The following FGR variants were observed in gnomAD, a reference collection of about 807,000 sequenced individuals.
FGR encodes FGR proto-oncogene, Src family tyrosine kinase.
A neutral mutation model predicts 63.2 loss-of-function variants in FGR; 26 were observed. The observed-to-expected ratio is 0.41, with a 90% CI of 0.30 to 0.57. The LOEUF (loss-of-function observed/expected upper bound fraction) is 0.57. Among genes scored for constraint, FGR ranks in the 20% least tolerant of loss-of-function variants. The pLI is 0.27. For synonymous variants in FGR, 286 were observed against 277.7 expected (o/e 1.03, Z -0.30); for missense variants, 511 against 690.8 (o/e 0.74, Z 2.92).
At chr1:27,618,826 T>G (rs1268108911) in intron 5 of FGR, among the ~76,000 whole-genome samples, 1 of 152,226 alleles carries the variant, frequency 6.6e-6, no homozygotes, top group Non-Finnish European at 1.5e-5. Flanking sequence ...AACATTCTGC[T>G]GTATCTTCTC....
intron 1 of FGR, among the ~76,000 whole-genome samples, chr1:27,632,726 G>A (rs1390459236): frequency 3.3e-5 from 5 of 152,034 alleles, no homozygotes; most frequent in Non-Finnish European, 7.4e-5. Flanking sequence ...GGATTTTCAG[G>A]AGATGGAAGC....
Position 27,623,154 on chromosome 1 carries a change from C to G in FGR, c.227-10G>C. The G allele has an allele frequency of 6.3e-7, 1 of 1,598,602 alleles. No homozygotes were observed. Among genetic ancestry groups the G allele is most frequent in the Non-Finnish European group, 8.6e-7 (1 of 1,165,978 alleles). The stretch of plus-strand genomic sequence containing the variant: ...AGGGTCACCCCAATCCCTGCAGAGT[C>G]AGGGCTACTCAGCAGGGTAGGGCAT... On this transcript the variant is annotated splice_polypyrimidine_tract_variant and intron_variant, in intron 3 of 12. Coordinates refer to ENST00000374005, the MANE Select transcript of FGR (RefSeq NM_005248.3).
Position 27,616,208 on chromosome 1 carries a change from ACCT to A in FGR, c.683-367_683-365del, listed in dbSNP as rs1262021169. Among the ~76,000 whole-genome samples the A allele has an allele frequency of 2.6e-5, 4 of 152,054 alleles. No homozygotes were observed. Among genetic ancestry groups the A allele is most frequent in the Non-Finnish European group, 5.9e-5 (4 of 67,992 alleles). ...ACATGAGGCCCACGGTCTTCCGTGG[ACCT>A]CATCCTTGGCATAACCAATCAAGGC... is the stretch of plus-strand genomic sequence containing the variant. On this transcript the variant is annotated intron_variant, in intron 7 of 12. Coordinates refer to ENST00000374005, the MANE Select transcript of FGR (RefSeq NM_005248.3). The surrounding 1 kb of genome is among the most constrained non-coding windows in gnomAD (Gnocchi z 4.3).
At chr1:27,632,254 A>C (rs1434853517) in intron 1 of FGR, among the ~76,000 whole-genome samples, 3 of 151,230 alleles carry the variant, frequency 2.0e-5, no homozygotes, top group African/African-American at 7.3e-5. Flanking sequence ...CTCCTGCCTC[A>C]GCCTCCTGAG....
chr1:27,633,235 G>A (rs569874006), intron 1 of FGR, among the ~76,000 whole-genome samples: 23 of 152,308 alleles, frequency 1.5e-4, no homozygotes, highest in African/African-American at 4.1e-4. Context: ...TCAGAGACGA[G>A]ATGTCCTGGA....
At chr1:27,618,168 A>G (rs1174453930) in intron 5 of FGR, among the ~76,000 whole-genome samples, 1 of 152,160 alleles carries the variant, frequency 6.6e-6, no homozygotes, top group Admixed American at 6.5e-5. Context: ...AGGCATTGGC[A>G]AGTGGTGTGT....
At chr1:27,623,645 T>C in intron 3 of FGR, 46 bp downstream of exon 3, 1 of 1,592,960 alleles carries the variant, frequency 6.3e-7, no homozygotes, top group Non-Finnish European at 8.6e-7. Context: ...TCCCTCAGTT[T>C]CTCCCAGGAT....
chr1:27,625,376 C>T (rs973983214), intron 1 of FGR, among the ~76,000 whole-genome samples: 1 of 152,176 alleles, frequency 6.6e-6, no homozygotes, highest in Non-Finnish European at 1.5e-5. Flanking sequence ...ACTCACCTGA[C>T]CCACCAGCAC....
At chr1:27,618,559 CA>C (rs2089859598) in intron 5 of FGR, among the ~76,000 whole-genome samples, 1 of 152,068 alleles carries the variant, frequency 6.6e-6, no homozygotes, top group Non-Finnish European at 1.5e-5. Context: ...GATGTGGACA[CA>C]AGCATGAAGC....
At chr1:27,614,685 G>T (rs2089766275) in intron 10 of FGR, 102 bp from the exon 11 acceptor site, 1 of 1,440,154 alleles carries the variant, frequency 6.9e-7, no homozygotes, top group South Asian at 1.3e-5. Flanking sequence ...CTTTCCAGAG[G>T]GGGAGACTGA....
intron 2 of FGR, among the ~76,000 whole-genome samples, chr1:27,624,573 C>T (rs1220495956): frequency 6.6e-6 from 1 of 151,958 alleles, no homozygotes; most frequent in Non-Finnish European, 1.5e-5. Context: ...GTGTGTGCAG[C>T]TCTTTGTGGA....
Position 27,612,340 on chromosome 1 carries a change from A to G in FGR, c.*574T>C, listed in dbSNP as rs2089710600. 1 of 152,690 alleles carries G rather than the reference A, an allele frequency of 6.5e-6. No homozygotes were observed. Among genetic ancestry groups the G allele is most frequent in the Admixed American group, 6.5e-5 (1 of 15,330 alleles). The allele number at this position is 152,690 out of a possible 1,614,324, so 9.5% of individuals were successfully genotyped here. A position where few individuals can be genotyped will look rare whatever the true frequency, so the allele number is the denominator to read the frequency against. On this transcript the variant is annotated 3_prime_UTR_variant, in exon 13 of 13. Transcript: ENST00000374005. ...CATTTTACTTATTTACAGAATCAAT[A>G]AACCAACACATACACACTATTCAGA...
At chr1:27,628,883 G>T (rs1211339197) in intron 1 of FGR, among the ~76,000 whole-genome samples, 3 of 152,188 alleles carry the variant, frequency 2.0e-5, no homozygotes, top group Non-Finnish European at 4.4e-5. Flanking sequence ...ACTTGATGCA[G>T]ACCAAAGCCC....
chr1:27,634,106 C>T (rs940304061), intron 1 of FGR, among the ~76,000 whole-genome samples: 1 of 139,530 alleles, frequency 7.2e-6, no homozygotes, highest in Admixed American at 7.0e-5. Flanking sequence ...ACCCACCAGA[C>T]CGAGGATTCC....
chr1:27,626,982 C>T (rs2090031310), intron 1 of FGR, among the ~76,000 whole-genome samples: 1 of 151,630 alleles, frequency 6.6e-6, no homozygotes, highest in Admixed American at 6.6e-5. Context: ...GCCTGAGCAA[C>T]ATAGGGACAC....
In FGR at chr1:27,618,938, A is replaced by T. The variant is rs2089867405; in HGVS notation, c.429-1642T>A. On this transcript the variant is annotated intron_variant, in intron 5 of 12. Coordinates refer to ENST00000374005, the MANE Select transcript of FGR (RefSeq NM_005248.3). ...TGTCTGGCCTCCGCCTCCCACCCTCACACAGAGAAATCTCTCACCAAGGTC... is the reference window on the plus strand; with the variant it reads ...TGTCTGGCCTCCGCCTCCCACCCTCTCACAGAGAAATCTCTCACCAAGGTC... 2.0e-5 allele frequency among the ~76,000 whole-genome samples: 3 copies of T among 151,956 alleles called. No individual in the cohort carries two copies. In the South Asian group the frequency reaches 6.2e-4, roughly 32 times the overall value.
intron 4 of FGR, among the ~76,000 whole-genome samples, chr1:27,621,947 G>A (rs562874784): frequency 1.6e-4 from 25 of 152,056 alleles, no homozygotes; most frequent in African/African-American, 6.0e-4. Flanking sequence ...AGCTGACTAG[G>A]TCACTTCCCC....
rs1307190030 is a variant in FGR at position 27,615,977 on chromosome 1, A to G, written c.683-133T>C. On this transcript the variant is annotated intron_variant, in intron 7 of 12. Coordinates refer to ENST00000374005, the MANE Select transcript of FGR (RefSeq NM_005248.3). The surrounding 1 kb of genome is among the most constrained non-coding windows in gnomAD (Gnocchi z 7.6). ...TAGGCCCCAAGTGAGGTCACAGGCC[A>G]GGAAGAAAGGCAACCCGATCCACTA... 3.0e-6 allele frequency: 3 copies of G among 1,008,044 alleles called. No homozygotes were observed. The highest frequency in any genetic ancestry group is 1.6e-5 in the African/African-American group (1 of 61,214). 62.4% of individuals were successfully genotyped at this position (1,008,044 alleles called of 1,614,324 possible).
Position 27,612,658 on chromosome 1 carries a change from A to G in FGR, c.*256T>C. ...GGGTGGGGATGGAGTGAGAAAGGCT[A>G]CAGGCATGTAGGGGCCTAAGTGGAA... is the stretch of plus-strand genomic sequence containing the variant. On this transcript the variant is annotated 3_prime_UTR_variant, in exon 13 of 13. Coordinates refer to ENST00000374005, the MANE Select transcript of FGR (RefSeq NM_005248.3). 2.1e-6 allele frequency: 1 copy of G among 477,380 alleles called. No homozygotes were observed. The highest frequency in any genetic ancestry group is 3.8e-6 in the Non-Finnish European group (1 of 263,692). 29.6% of individuals were successfully genotyped at this position (477,380 alleles called of 1,614,324 possible). A position where few individuals can be genotyped will look rare whatever the true frequency, so the allele number is the denominator to read the frequency against.
Sources: allele counts gnomAD v4.1 joint callset (sites outside exome capture counted in the v4.1 genomes callset), GRCh38; gene constraint gnomAD v4.1.1; non-coding constraint Gnocchi (gnomAD v3.1); transcripts MANE v1.5; gene names NCBI Gene and HGNC (gene_info 2026-07-23, HGNC 2026-07-21).